The following PRKAG2 variants were observed in gnomAD, a reference collection of about 807,000 sequenced individuals.
PRKAG2 encodes 5'-AMP-activated protein kinase subunit gamma-2.
A neutral mutation model predicts 69.6 loss-of-function variants in PRKAG2; 26 were observed. That is an observed-to-expected ratio of 0.37 (90% CI 0.27 to 0.52). The LOEUF is 0.52. PRKAG2 is among the 20% of genes least tolerant of loss of function. The probability of loss-of-function intolerance (pLI) is 0.90; values close to 1 mark genes in which losing one functional copy is unlikely to be tolerated. For missense variants in PRKAG2, 557 were observed against 740.0 expected, an observed-to-expected ratio of 0.75 and a Z score of 2.87; for synonymous variants, 293 against 285.0, an observed-to-expected ratio of 1.03 and a Z score of -0.28.
At chr7:151,721,784 GCTTTCATAGA>G (rs1797159891) in intron 3 of PRKAG2, among the ~76,000 whole-genome samples, 1 of 152,152 alleles carries the variant, frequency 6.6e-6, no homozygotes, top group Non-Finnish European at 1.5e-5. Flanking sequence ...AATTATGTTT[GCTTTCATAGA>G]CGTTATCTGG....
At chr7:151,686,853 T>G (rs1001324348) in intron 3 of PRKAG2, among the ~76,000 whole-genome samples, 14 of 152,246 alleles carry the variant, frequency 9.2e-5, no homozygotes, top group African/African-American at 3.4e-4. Flanking sequence ...TCATTGAAAC[T>G]GTTCAAAATA....
At chr7:151,667,141 C>T (rs1019815332) in intron 4 of PRKAG2, among the ~76,000 whole-genome samples, 1 of 152,196 alleles carries the variant, frequency 6.6e-6, no homozygotes, top group Non-Finnish European at 1.5e-5. Flanking sequence ...CTCTGATGAG[C>T]CGCCCCAGCT....
chr7:151,830,721 G>C (rs1271494738), intron 1 of PRKAG2, among the ~76,000 whole-genome samples: 2 of 149,196 alleles, frequency 1.3e-5, no homozygotes, highest in African/African-American at 4.9e-5. Flanking sequence ...GGACAGCTGA[G>C]GCTGCTCTGG....
At chr7:151,857,568 C>G (rs533634405) in intron 1 of PRKAG2, among the ~76,000 whole-genome samples, 1 of 152,226 alleles carries the variant, frequency 6.6e-6, no homozygotes, top group Admixed American at 6.5e-5. Context: ...AGGCGCCAGA[C>G]GGCTCCGGCT....
chr7:151,785,649 C>T (rs192459895), intron 2 of PRKAG2, among the ~76,000 whole-genome samples: 51 of 152,356 alleles, frequency 3.3e-4, no homozygotes, highest in Admixed American at 3.3e-3. Flanking sequence ...AGACCCTGTA[C>T]GTAGCCCCCA....
At chr7:151,876,390 G>T in intron 1 of PRKAG2, 117 bp downstream of exon 1, 1 of 1,029,084 alleles carries the variant, frequency 9.7e-7, no homozygotes, top group South Asian at 1.3e-5. Context: ...CAAGCCGCCC[G>T]AAGTGACAGG....
chr7:151,734,406 C>T (rs1799435025), intron 3 of PRKAG2: 1 of 152,238 alleles, frequency 6.6e-6, no homozygotes, highest in Non-Finnish European at 1.5e-5. Flanking sequence ...TCATTTTACT[C>T]ATCCCCTAGG....
At position 151,828,328 on chromosome 7, in the gene PRKAG2, C is replaced by T. The variant is rs1383780996; in HGVS notation, c.115-41787G>A. 6.6e-6 allele frequency among the ~76,000 whole-genome samples: 1 copy of T among 152,166 alleles called. No individual in the cohort carries two copies. The highest frequency in any genetic ancestry group is 6.5e-5 in the Admixed American group (1 of 15,282). ...AGCCCAACAAGGGGTGACGGCAGGA[C>T]TCTCCCCGGATTCAGGTCTATGTTG... is the stretch of plus-strand genomic sequence containing the variant. On this transcript the variant is annotated intron_variant, in intron 1 of 15. Transcript: ENST00000287878. The surrounding 1 kb of genome is among the most constrained non-coding windows in gnomAD (Gnocchi z 4.6).
chr7:151,572,355 G>T, intron 9 of PRKAG2: 1 of 233,886 alleles, frequency 4.3e-6, no homozygotes, highest in Non-Finnish European at 8.3e-6. Flanking sequence ...ACTTAGTAGT[G>T]AGCGGTGGCC....
Position 151,663,274 on chromosome 7 carries a change from A to G in PRKAG2, c.684+12146T>C, listed in dbSNP as rs115268089. On this transcript the variant is annotated intron_variant, in intron 4 of 15. Coordinates refer to ENST00000287878, the MANE Select transcript of PRKAG2 (RefSeq NM_016203.4). ...TATGTTACTCCAAATCTCCTCAATC[A>G]GCCCAAAAGCAGAGTGTGTAATTCT... Among the ~76,000 whole-genome samples the G allele has an allele frequency of 5.1e-3, 782 of 152,300 alleles. 7 individuals carry two copies. The highest frequency in any genetic ancestry group is 0.018 in the African/African-American group (752 of 41,576).
chr7:151,876,625 C>CT lies in PRKAG2; in HGVS notation c.-6dup, dbSNP rs1203090914. 5.6e-6 allele frequency: 9 copies of CT among 1,607,746 alleles called. No individual in the cohort carries two copies. The highest frequency in any genetic ancestry group is 2.7e-5 in the African/African-American group (2 of 74,936). ...GTCCATAACCGCGCTTCCCATAACT[C>CT]TAACCAGAAGTTGATTCTGCGAAAC... On this transcript the variant is annotated 5_prime_UTR_variant, in exon 1 of 16. Coordinates refer to ENST00000287878, the MANE Select transcript of PRKAG2 (RefSeq NM_016203.4).
At chr7:151,739,644 A>G (rs1038429599) in intron 3 of PRKAG2, among the ~76,000 whole-genome samples, 5 of 151,260 alleles carry the variant, frequency 3.3e-5, no homozygotes. Context: ...CAATTTTTGT[A>G]TTTTTCGTAG....
intron 5 of PRKAG2, among the ~76,000 whole-genome samples, chr7:151,607,411 C>T (rs571440936): frequency 6.6e-5 from 10 of 152,146 alleles, no homozygotes; most frequent in African/African-American, 2.2e-4. Flanking sequence ...ACTACAGATG[C>T]CTGCCATTAC....
chr7:151,623,871 G>A (rs906717705), intron 5 of PRKAG2, among the ~76,000 whole-genome samples: 1 of 152,104 alleles, frequency 6.6e-6, no homozygotes, highest in African/African-American at 2.4e-5. Flanking sequence ...TGAGAGCCAA[G>A]GAAAGAGGGT....
At chr7:151,723,959 C>T (rs913937464) in intron 3 of PRKAG2, among the ~76,000 whole-genome samples, 8 of 152,198 alleles carry the variant, frequency 5.3e-5, no homozygotes, top group East Asian at 1.9e-4. Context: ...TGATCAACCC[C>T]GGTTCCAGCT....
chr7:151,757,465 G>A lies in PRKAG2; in HGVS notation c.466+23687C>T, dbSNP rs540801510. Among the ~76,000 whole-genome samples, 25 of 152,308 alleles carry A rather than the reference G, an allele frequency of 1.6e-4. 1 individual carries two copies. The South Asian group carries it at 5.2e-3, about 32-fold the overall frequency. On this transcript the variant is annotated intron_variant, in intron 3 of 15. Transcript: ENST00000287878. ...GGATGAGACACAGTGCCCGCTCCAG[G>A]GTGGGGGTCAACCATGTGGAATGGG...
intron 1 of PRKAG2, among the ~76,000 whole-genome samples, chr7:151,830,413 G>A (rs921765556): frequency 2.0e-5 from 3 of 151,960 alleles, no homozygotes; most frequent in African/African-American, 7.2e-5. Flanking sequence ...GCAGAGAAGA[G>A]AGAGGCCGAG....
At chr7:151,684,158 C>T (rs1308362065) in intron 3 of PRKAG2, among the ~76,000 whole-genome samples, 1 of 152,166 alleles carries the variant, frequency 6.6e-6, no homozygotes, top group African/African-American at 2.4e-5. Flanking sequence ...GGGCAGTATC[C>T]TCAGGGACCC....
Position 151,745,480 on chromosome 7 carries a change from C to G in PRKAG2, c.466+35672G>C, listed in dbSNP as rs187178469. On this transcript the variant is annotated intron_variant, in intron 3 of 15. Coordinates refer to ENST00000287878, the MANE Select transcript of PRKAG2 (RefSeq NM_016203.4). ...GAGCACCCTCTGCCCTGACTCAAGC[C>G]CCCACGCCTCTGTTCCACGTCAGCC... Among the ~76,000 whole-genome samples, 75 of 152,278 alleles carry G rather than the reference C, an allele frequency of 4.9e-4. 1 individual carries two copies. The East Asian group carries it at 0.013, about 26-fold the overall frequency.
Sources: gnomAD v4.1 joint callset for allele counts (sites outside exome capture counted in the v4.1 genomes callset) on GRCh38, gnomAD v4.1.1 for gene constraint, Gnocchi (gnomAD v3.1) non-coding constraint, MANE v1.5 for transcripts, NCBI Gene and HGNC (gene_info 2026-07-23, HGNC 2026-07-21) for gene names.